PLXND1: variants seen among roughly 807,000 people sequenced by gnomAD.
The protein encoded by PLXND1 is plexin-D1.
In PLXND1, 54 loss-of-function variants were observed where a neutral mutation model predicts 197.7. The ratio of observed to expected loss-of-function variants is 0.27; its 90% CI spans 0.22 to 0.34. The LOEUF (loss-of-function observed/expected upper bound fraction) is 0.34, where lower values mean the gene tolerates loss of function less well. Ranked by LOEUF, PLXND1 falls within the 10% of genes least tolerant of loss-of-function variation. The pLI, the probability that PLXND1 is intolerant of heterozygous loss-of-function variation, is 1.00. For missense variants in PLXND1, 2,127 were observed against 2,699.2 expected (o/e 0.79, Z 4.70); for synonymous variants, 1,180 against 1,161.2 (o/e 1.02, Z -0.33).
intron 25 of PLXND1, 30 bp downstream of exon 25, chr3:129,565,310 T>G: frequency 6.3e-7 from 1 of 1,599,824 alleles, no homozygotes; most frequent in Non-Finnish European, 8.6e-7. Context: ...GTCCCCCGCC[T>G]GGGCTCTGTC....
intron 21 of PLXND1, 28 bp from the exon 22 acceptor site, chr3:129,567,632 G>T: frequency 6.3e-7 from 1 of 1,587,360 alleles, no homozygotes; most frequent in Non-Finnish European, 8.6e-7. Flanking sequence ...AGCCGTGAGC[G>T]GCCCGAGAAC....
At position 129,573,600 on chromosome 3, in the gene PLXND1, G is replaced by A. The variant is rs1560068317; in HGVS notation, c.2831C>T (p.Ser944Leu). 4.3e-6 allele frequency: 7 copies of A among 1,612,816 alleles called. No individual in the cohort carries two copies. Among genetic ancestry groups the A allele is most frequent in the East Asian group, 2.2e-5 (1 of 44,868 alleles). Residue 944 changes from serine to leucine, a missense_variant, in exon 13 of 36, where the codon TCG (serine) becomes TTG (leucine). Physicochemically the swap from Ser to Leu is moderately radical, Grantham distance 145. This residue lies in a region of PLXND1 where 1,095 missense variants were observed against 1,259.8 expected (regional missense o/e 0.87). Transcript: ENST00000324093. Reference sequence around the variant, plus strand: ...GGGCACCGTGGCTACTCACTCCTCCGACACCGTGTATCTGTCAGGCAGTGG... The same window carrying A: ...GGGCACCGTGGCTACTCACTCCTCCAACACCGTGTATCTGTCAGGCAGTGG... ...CEPLPDRYTV[S>L]EEIVCVTGPA...
At chr3:129,576,520 AC>A (rs1406989622) in intron 9 of PLXND1, among the ~76,000 whole-genome samples, 1 of 152,000 alleles carries the variant, frequency 6.6e-6, no homozygotes, top group Non-Finnish European at 1.5e-5. Flanking sequence ...GCCAGGCATC[AC>A]CCTTAGCCTC....
intron 17 of PLXND1, 43 bp from the exon 18 acceptor site, chr3:129,571,346 G>T: frequency 6.3e-7 from 1 of 1,592,266 alleles, no homozygotes. Flanking sequence ...ATGCAGGATG[G>T]ACAGATGGGC....
At position 129,605,360 on chromosome 3, in the gene PLXND1, C is replaced by A. The variant is rs747121264; in HGVS notation, c.1280G>T (p.Gly427Val). ...AVLDSVVQGT[G>V]PACERKLNIQ... ...GTTGAGCTTGCGCTCACAGGCCGGT[C>A]CCGTGCCCTGCACCACGCTGTCGAG... Residue 427 changes from glycine to valine, a missense_variant, in exon 1 of 36, where the codon GGA becomes GTA. Physicochemically the swap from Gly to Val is moderately radical, Grantham distance 109. This residue lies in a region of PLXND1 where 1,095 missense variants were observed against 1,259.8 expected (regional missense o/e 0.87). Transcript: ENST00000324093. The A allele has an allele frequency of 6.7e-7, 1 of 1,485,924 alleles. No homozygotes were observed. The highest frequency in any genetic ancestry group is 2.3e-5 in the Admixed American group (1 of 43,244). 92.0% of individuals were successfully genotyped at this position (1,485,924 alleles called of 1,614,324 possible).
rs1329926661 is a variant in PLXND1, at chr3:129,555,486, C to G, written c.*826G>C. On this transcript the variant is annotated 3_prime_UTR_variant, in exon 36 of 36. Transcript: ENST00000324093. Reference sequence around the variant, plus strand: ...CTCTCGGGACCCCTCCCCGGGTCCTCTGCGCAAGCGGCAGCTATTCACAGT... The same window carrying G: ...CTCTCGGGACCCCTCCCCGGGTCCTGTGCGCAAGCGGCAGCTATTCACAGT... 1 of 681,480 alleles carries G rather than the reference C, an allele frequency of 1.5e-6. No individual in the cohort carries two copies. The highest frequency in any genetic ancestry group is 1.8e-5 in the African/African-American group (1 of 55,458). The allele number at this position is 681,480 out of a possible 1,614,324, so 42.2% of individuals were successfully genotyped here.
In PLXND1 at chr3:129,565,923, G is replaced by A. The variant is rs766958166; in HGVS notation, c.4286C>T (p.Ala1429Val). The A allele has an allele frequency of 8.1e-6, 13 of 1,614,176 alleles. No homozygotes were observed. Among genetic ancestry groups the A allele is most frequent in the East Asian group, 4.5e-5 (2 of 44,886 alleles). Residue 1429 changes from alanine to valine, a missense_variant, in exon 24 of 36, where the codon GCG becomes GTG. Coordinates refer to ENST00000324093, the MANE Select transcript of PLXND1 (RefSeq NM_015103.3). ...NKHFLIVFVH[A>V]LEQQKDFAVR... ...CGCAAAGTCCTTCTGCTGCTCCAGCGCGTGGACAAAGACGATGAGGAAGTG... is the reference window on the plus strand; with the variant it reads ...CGCAAAGTCCTTCTGCTGCTCCAGCACGTGGACAAAGACGATGAGGAAGTG...
intron 2 of PLXND1, among the ~76,000 whole-genome samples, chr3:129,587,860 A>C (rs2085483100): frequency 1.3e-5 from 2 of 152,040 alleles, no homozygotes; most frequent in Admixed American, 1.3e-4. Context: ...CTACACACCA[A>C]CTCAAAATTA....
At chr3:129,602,399 T>A (rs1258405834) in intron 1 of PLXND1, among the ~76,000 whole-genome samples, 1 of 152,180 alleles carries the variant, frequency 6.6e-6, no homozygotes, top group Non-Finnish European at 1.5e-5. Context: ...ATGCCTTTCC[T>A]CTTCTCCGGC....
At position 129,589,336 on chromosome 3, in the gene PLXND1, C is replaced by T; in HGVS notation, c.1488+15G>A. The T allele has an allele frequency of 6.5e-7, 1 of 1,539,292 alleles. No homozygotes were observed. On this transcript the variant is annotated intron_variant, in intron 2 of 35. Coordinates refer to ENST00000324093, the MANE Select transcript of PLXND1 (RefSeq NM_015103.3). ...CCCACCCCCACCCCCTCCCCACATCCCCAACCATACCTACCTTGAGAAGCC... is the reference window on the plus strand; with the variant it reads ...CCCACCCCCACCCCCTCCCCACATCTCCAACCATACCTACCTTGAGAAGCC...
At chr3:129,586,857 G>A in intron 2 of PLXND1, 138 bp from the exon 3 acceptor site, 1 of 973,434 alleles carries the variant, frequency 1.0e-6, no homozygotes, top group South Asian at 1.6e-5. Context: ...GAAGTCACGG[G>A]CGTGCAGGGG....
chr3:129,603,660 G>A (rs1439876901), intron 1 of PLXND1, among the ~76,000 whole-genome samples: 8 of 152,184 alleles, frequency 5.3e-5, no homozygotes, highest in Non-Finnish European at 1.0e-4. Context: ...CAGGGTGGCC[G>A]GCCAGATGGT....
Position 129,606,331 on chromosome 3 carries a change from C to T in PLXND1, c.309G>A (p.Leu103=). The T allele has an allele frequency of 6.7e-7, 1 of 1,493,004 alleles. No individual in the cohort carries two copies. Among genetic ancestry groups the T allele is most frequent in the Non-Finnish European group, 8.9e-7 (1 of 1,127,556 alleles). 92.5% of individuals were successfully genotyped at this position (1,493,004 alleles called of 1,614,324 possible). A position where few individuals can be genotyped will look rare whatever the true frequency, so the allele number is the denominator to read the frequency against. Residue 103 remains leucine (L), a synonymous_variant, in exon 1 of 36, where the codon CTG becomes CTA. Coordinates refer to ENST00000324093, the MANE Select transcript of PLXND1 (RefSeq NM_015103.3). ...CCTGCGGCAGCTGCGGAGCGTGACA[C>T]AGCGGGCTGTCGGGCACCGGGCCCA... ...AAVGPVPDSP[L]CHAPQLPQAS...
At chr3:129,566,378 G>C (rs2085140773) in intron 23 of PLXND1, 149 bp downstream of exon 23, 4 of 649,682 alleles carry the variant, frequency 6.2e-6, no homozygotes, top group African/African-American at 1.8e-5. Flanking sequence ...AATGCCTCCT[G>C]GGATGGAGGG....
intron 1 of PLXND1, among the ~76,000 whole-genome samples, chr3:129,602,919 C>T (rs2085731845): frequency 6.6e-6 from 1 of 152,214 alleles, no homozygotes; most frequent in Admixed American, 6.5e-5. Flanking sequence ...GGTTAAGTTC[C>T]TTGGCCAAGG....
intron 1 of PLXND1, among the ~76,000 whole-genome samples, chr3:129,597,556 C>T (rs1200946405): frequency 6.6e-6 from 1 of 152,128 alleles, no homozygotes; most frequent in Non-Finnish European, 1.5e-5. Flanking sequence ...CTTGCCGGGA[C>T]TCGTAATGGA....
chr3:129,585,649 C>G (rs563235039), intron 5 of PLXND1, among the ~76,000 whole-genome samples: 34 of 152,340 alleles, frequency 2.2e-4, no homozygotes, highest in Non-Finnish European at 4.1e-4. Context: ...CCTAGCTGTG[C>G]GACCTGCAGC....
intron 31 of PLXND1, 50 bp from the exon 32 acceptor site, chr3:129,559,833 G>A: frequency 6.8e-7 from 1 of 1,480,594 alleles, no homozygotes; most frequent in East Asian, 2.4e-5. Context: ...CGTGCAGAGG[G>A]CTAGTGGGCA....
rs773817291 is a variant in PLXND1, at chr3:129,571,661, G to A, written c.3245+16C>T. The A allele has an allele frequency of 1.2e-5, 20 of 1,613,710 alleles. No homozygotes were observed. Among genetic ancestry groups the A allele is most frequent in the Non-Finnish European group, 1.5e-5 (18 of 1,179,864 alleles). On this transcript the variant is annotated intron_variant, in intron 16 of 35. Transcript: ENST00000324093. ...GCCCCAGAGAGCCTGGGGGAAGGGC[G>A]GGGTGCCAGTCTCACCTGACAGGGC...
Sources: allele counts gnomAD v4.1 joint callset (sites outside exome capture counted in the v4.1 genomes callset), GRCh38; gene constraint gnomAD v4.1.1; regional missense constraint gnomAD v4.1.1; transcripts MANE v1.5; gene names NCBI Gene and HGNC (gene_info 2026-07-23, HGNC 2026-07-21).